Variants in KCNIP4 observed in about 807,000 individuals in gnomAD.
KCNIP4 encodes Kv channel-interacting protein 4.
KCNIP4 carries 12 observed loss-of-function variants against 34.0 expected under a neutral mutation model. That is an observed-to-expected ratio of 0.35 (90% confidence interval 0.23 to 0.57). KCNIP4 has a LOEUF of 0.57. KCNIP4 is among the 20% of genes least tolerant of loss of function. The probability of loss-of-function intolerance (pLI) is 0.83; values close to 1 mark genes in which losing one functional copy is unlikely to be tolerated. For synonymous variants in KCNIP4, 124 were observed against 102.2 expected (o/e 1.21, Z -1.29); for missense variants, 238 against 311.7 (o/e 0.76, Z 1.78).
rs143718000 is a variant in KCNIP4 at position 21,807,711 on chromosome 4, A to G, written c.61+140860T>C. Among the ~76,000 whole-genome samples, 82 of 152,260 alleles carry G rather than the reference A, an allele frequency of 5.4e-4. 1 individual carries two copies. In the East Asian group the frequency reaches 0.016, roughly 29 times the overall value. ...TGCCCGATTGGAATTAAAATTCTCT[A>G]TTACTCAGCAGTCCACTTAATGGGA... On this transcript the variant is annotated intron_variant, in intron 1 of 8. Coordinates refer to ENST00000382152, the MANE Select transcript of KCNIP4 (RefSeq NM_025221.6).
intron 1 of KCNIP4, among the ~76,000 whole-genome samples, chr4:20,992,572 C>A (rs1374523834): frequency 6.6e-6 from 1 of 152,136 alleles, no homozygotes; most frequent in African/African-American, 2.4e-5. Context: ...TCTCCTGTCT[C>A]CCTCCCTTTC....
At chr4:21,291,903 GAA>G (rs1763526795) in intron 1 of KCNIP4, among the ~76,000 whole-genome samples, 1 of 64,248 alleles carries the variant, frequency 1.6e-5, no homozygotes, top group African/African-American at 1.6e-4. Context: ...AAGAAAGAAA[GAA>G]AGAAAGAAAG....
chr4:21,403,659 T>C (rs1723727327), intron 1 of KCNIP4, among the ~76,000 whole-genome samples: 1 of 152,204 alleles, frequency 6.6e-6, no homozygotes, highest in Non-Finnish European at 1.5e-5. Context: ...TATGACCAAA[T>C]ACCACAGACT....
intron 1 of KCNIP4, among the ~76,000 whole-genome samples, chr4:21,391,783 T>A (rs556998658): frequency 6.6e-6 from 1 of 152,316 alleles, no homozygotes; most frequent in African/African-American, 2.4e-5. Context: ...TCTTGTCCCC[T>A]GCAATCACAT....
At chr4:20,950,548 A>T (rs1732673796) in intron 1 of KCNIP4, among the ~76,000 whole-genome samples, 1 of 152,076 alleles carries the variant, frequency 6.6e-6, no homozygotes, top group Non-Finnish European at 1.5e-5. Context: ...AAGAGATCTA[A>T]CCAGATTTCT....
At chr4:21,692,718 T>A (rs953408991) in intron 1 of KCNIP4, among the ~76,000 whole-genome samples, 1 of 150,810 alleles carries the variant, frequency 6.6e-6, no homozygotes, top group Non-Finnish European at 1.5e-5. Context: ...TGAAAAAAAA[T>A]AAATCAGCAA....
chr4:21,922,974 G>A (rs1201567157), intron 1 of KCNIP4, among the ~76,000 whole-genome samples: 1 of 152,150 alleles, frequency 6.6e-6, no homozygotes, highest in Non-Finnish European at 1.5e-5. Context: ...CTGCTTCCAA[G>A]TATCTTATGT....
chr4:21,620,032 GAAGT>G (rs1329363676), intron 1 of KCNIP4, among the ~76,000 whole-genome samples: 1 of 152,222 alleles, frequency 6.6e-6, no homozygotes, highest in African/African-American at 2.4e-5. Flanking sequence ...TTTTGTGGAA[GAAGT>G]AAGGGTAGGT....
At chr4:21,762,372 C>T (rs1024943137) in intron 1 of KCNIP4, among the ~76,000 whole-genome samples, 1 of 152,106 alleles carries the variant, frequency 6.6e-6, no homozygotes, top group Non-Finnish European at 1.5e-5. Context: ...CCCTAAAGGA[C>T]AGCATTGCAT....
chr4:21,387,072 A>C (rs965207552), intron 1 of KCNIP4, among the ~76,000 whole-genome samples: 15 of 152,176 alleles, frequency 9.9e-5, no homozygotes, highest in Non-Finnish European at 1.5e-5. Context: ...GGTTATTTCC[A>C]TGCCTAGACT....
chr4:21,239,345 C>T (rs2109044794), intron 1 of KCNIP4, among the ~76,000 whole-genome samples: 1 of 151,072 alleles, frequency 6.6e-6, no homozygotes, highest in Non-Finnish European at 1.5e-5. Flanking sequence ...ACACCAAAAG[C>T]AATGGCAACA....
At chr4:20,945,913 G>A (rs186018965) in intron 1 of KCNIP4, among the ~76,000 whole-genome samples, 6 of 152,058 alleles carry the variant, frequency 3.9e-5, no homozygotes, top group South Asian at 2.1e-4. Context: ...CATGGCAGTC[G>A]CTCAAATCAA....
chr4:21,142,019 T>C (rs976944104), intron 1 of KCNIP4, among the ~76,000 whole-genome samples: 1 of 150,722 alleles, frequency 6.6e-6, no homozygotes, highest in African/African-American at 2.4e-5. Flanking sequence ...GGTGTGGTGG[T>C]GTGCGCCTGT....
chr4:20,892,650 A>G (rs1353605547), intron 1 of KCNIP4, among the ~76,000 whole-genome samples: 1 of 152,184 alleles, frequency 6.6e-6, no homozygotes, highest in Non-Finnish European at 1.5e-5. Context: ...TTAACAAAAC[A>G]TTTAGAGAGA....
chr4:21,210,615 C>T (rs1371251385), intron 1 of KCNIP4, among the ~76,000 whole-genome samples: 2 of 152,102 alleles, frequency 1.3e-5, no homozygotes, highest in Non-Finnish European at 2.9e-5. Flanking sequence ...TCAATTTGAT[C>T]ATTATTGCCC....
chr4:20,822,411 C>CA (rs1188277097), intron 3 of KCNIP4, among the ~76,000 whole-genome samples: 1 of 152,050 alleles, frequency 6.6e-6, no homozygotes, highest in Non-Finnish European at 1.5e-5. Context: ...ATTAAGAAGT[C>CA]AAAAAACAAT....
At chr4:21,324,059 T>G (rs1398633730) in intron 1 of KCNIP4, among the ~76,000 whole-genome samples, 1 of 152,076 alleles carries the variant, frequency 6.6e-6, no homozygotes, top group South Asian at 2.1e-4. Context: ...TTGAGAAATA[T>G]CTACTCAAAT....
At chr4:21,539,453 G>A (rs1224499513) in intron 1 of KCNIP4, among the ~76,000 whole-genome samples, 1 of 152,152 alleles carries the variant, frequency 6.6e-6, no homozygotes, top group East Asian at 1.9e-4. Context: ...ATTGATGAGT[G>A]CAGTTGTAAG....
At chr4:20,915,630 T>C (rs1728737217) in intron 1 of KCNIP4, among the ~76,000 whole-genome samples, 1 of 152,116 alleles carries the variant, frequency 6.6e-6, no homozygotes, top group Non-Finnish European at 1.5e-5. Flanking sequence ...CAATCAAGGG[T>C]TTGATGTTGT....
Sources: allele counts gnomAD v4.1 joint callset (sites outside exome capture counted in the v4.1 genomes callset), GRCh38; gene constraint gnomAD v4.1.1; transcripts MANE v1.5; gene names NCBI Gene and HGNC (gene_info 2026-07-23, HGNC 2026-07-21).